MAP4K3: variants seen among roughly 807,000 people sequenced by gnomAD.
The protein encoded by MAP4K3 is mitogen-activated protein kinase kinase kinase kinase 3.
In MAP4K3, 94 loss-of-function variants were observed where a neutral mutation model predicts 143.5. That is an observed-to-expected ratio of 0.65 (90% confidence interval 0.55 to 0.78). MAP4K3 has a LOEUF of 0.78. Ranked by LOEUF, MAP4K3 falls within the 30% of genes least tolerant of loss-of-function variation. The pLI is 0.00. For synonymous variants in MAP4K3, 416 were observed against 347.2 expected (o/e 1.20, Z -2.20); for missense variants, 1,077 against 1,068.1 (o/e 1.01, Z -0.12).
chr2:39,329,039 A>T (rs1039134534), intron 8 of MAP4K3, among the ~76,000 whole-genome samples: 2 of 152,224 alleles, frequency 1.3e-5, no homozygotes, highest in Admixed American at 1.3e-4. Flanking sequence ...AGAAAGACAG[A>T]TACAGGGAGA....
At chr2:39,272,964 T>C (rs1681093241) in intron 24 of MAP4K3, among the ~76,000 whole-genome samples, 1 of 151,738 alleles carries the variant, frequency 6.6e-6, no homozygotes, top group East Asian at 1.9e-4. Context: ...GGAAAAAGCA[T>C]CATGGTGTAG....
intron 6 of MAP4K3, among the ~76,000 whole-genome samples, chr2:39,334,998 A>G (rs1205564619): frequency 1.3e-5 from 2 of 152,134 alleles, no homozygotes. Flanking sequence ...CTGGGAGAAG[A>G]CTATTTCAGG....
chr2:39,345,638 G>T (rs894067946), intron 3 of MAP4K3, among the ~76,000 whole-genome samples: 4 of 151,946 alleles, frequency 2.6e-5, no homozygotes, highest in African/African-American at 9.7e-5. Context: ...AAAAAGAGTG[G>T]GCCAGATGCA....
chr2:39,263,545 C>T (rs1323332430), intron 28 of MAP4K3, among the ~76,000 whole-genome samples: 1 of 151,774 alleles, frequency 6.6e-6, no homozygotes, highest in Non-Finnish European at 1.5e-5. Flanking sequence ...TCCCAAAGTG[C>T]TGGGATTACA....
chr2:39,300,707 C>A (rs1682471128), intron 15 of MAP4K3, among the ~76,000 whole-genome samples: 1 of 152,136 alleles, frequency 6.6e-6, no homozygotes. Flanking sequence ...ATGATCAGGG[C>A]TTAACACAAA....
chr2:39,375,999 T>C (rs1666207536), intron 2 of MAP4K3, among the ~76,000 whole-genome samples: 1 of 152,248 alleles, frequency 6.6e-6, no homozygotes, highest in African/African-American at 2.4e-5. Context: ...GTTTCCAATT[T>C]TGAGACATAC....
At chr2:39,290,710 C>T (rs1177309239) in intron 18 of MAP4K3, among the ~76,000 whole-genome samples, 2 of 152,140 alleles carry the variant, frequency 1.3e-5, no homozygotes, top group African/African-American at 4.8e-5. Context: ...TACAAAATTA[C>T]AGTTATGTAA....
At chr2:39,411,117 CTTAAGT>C (rs1356389456) in intron 1 of MAP4K3, among the ~76,000 whole-genome samples, 1 of 151,978 alleles carries the variant, frequency 6.6e-6, no homozygotes, top group Non-Finnish European at 1.5e-5. Context: ...AATTGTATGC[CTTAAGT>C]TTAAGTGAAT....
chr2:39,379,975 T>G (rs986588650), intron 1 of MAP4K3, among the ~76,000 whole-genome samples: 1 of 152,128 alleles, frequency 6.6e-6, no homozygotes, highest in Non-Finnish European at 1.5e-5. Flanking sequence ...ACAGAAAAAT[T>G]ATGACACTAA....
At chr2:39,355,829 A>G (rs527913520) in intron 3 of MAP4K3, among the ~76,000 whole-genome samples, 2 of 152,338 alleles carry the variant, frequency 1.3e-5, no homozygotes, top group African/African-American at 4.8e-5. Context: ...GATACAATGA[A>G]GGAAAGGGAT....
intron 1 of MAP4K3, among the ~76,000 whole-genome samples, chr2:39,388,521 C>T (rs926471805): frequency 2.6e-5 from 4 of 152,128 alleles, no homozygotes; most frequent in African/African-American, 9.7e-5. Flanking sequence ...AATCTAGGGA[C>T]TTCAGTTTTG....
intron 15 of MAP4K3, among the ~76,000 whole-genome samples, chr2:39,304,376 T>C (rs1435205352): frequency 6.6e-6 from 1 of 152,202 alleles, no homozygotes; most frequent in African/African-American, 2.4e-5. Flanking sequence ...CCAGCTAAGA[T>C]GAGGGCCAGA....
At chr2:39,413,782 C>CAAAATATTTTGATAT (rs1667295284) in intron 1 of MAP4K3, among the ~76,000 whole-genome samples, 2 of 151,742 alleles carry the variant, frequency 1.3e-5, no homozygotes, top group Non-Finnish European at 2.9e-5. Context: ...TGCCCAGGCT[C>CAAAATATTTTGATAT]CACCTTGTAG....
chr2:39,323,939 A>G (rs551014405), intron 12 of MAP4K3: 8 of 152,330 alleles, frequency 5.3e-5, no homozygotes, highest in African/African-American at 1.9e-4. Context: ...AAAAGTCATG[A>G]AACAATTATA....
intron 1 of MAP4K3, among the ~76,000 whole-genome samples, chr2:39,431,629 G>A (rs1665293159): frequency 1.3e-5 from 2 of 152,180 alleles, no homozygotes; most frequent in African/African-American, 4.8e-5. Context: ...TTGGTGGGGA[G>A]GGGTGGATTT....
intron 3 of MAP4K3, among the ~76,000 whole-genome samples, chr2:39,345,921 CAAAAAAAAAAAAAAAAAAAAAA>C (rs66729858): frequency 3.8e-4 from 6 of 15,842 alleles, no homozygotes; most frequent in African/African-American, 1.2e-3. Flanking sequence ...GACTCTGTCT[CAAAAAAAAAAAAAAAAAAAAAA>C]AAAAAGAGTG....
rs764324974 is a variant in MAP4K3, at chr2:39,331,971, G to A, written c.476C>T (p.Ala159Val). The change falls in exon 8 of 34, where the codon GCA (alanine) becomes GTA (valine). Residue 159 changes from alanine (A) to valine (V), a missense_variant. By Grantham distance (64) the Ala-to-Val change is moderately conservative. Around this residue, in one of 2 missense-constraint regions of MAP4K3, gnomAD observed 213 missense variants for 266.8 expected, o/e 0.80. Coordinates refer to ENST00000263881, the MANE Select transcript of MAP4K3 (RefSeq NM_003618.4). The part of the protein sequence containing the change: ...HVKLADFGVS[A>V]QITATIAKRK... ...TTTGGCAATTGTAGCTGTTATCTGT[G>A]CAGATACTCCAAAATCAGCTATTAA... The A allele has an allele frequency of 3.9e-6, 6 of 1,549,558 alleles. No homozygotes were observed. The highest frequency in any genetic ancestry group is 5.3e-6 in the Non-Finnish European group (6 of 1,138,804).
At chr2:39,263,919 T>C (rs1001288601) in intron 28 of MAP4K3, among the ~76,000 whole-genome samples, 21 of 152,248 alleles carry the variant, frequency 1.4e-4, no homozygotes, top group Admixed American at 8.5e-4. Flanking sequence ...TCTTTCATTA[T>C]ATATTAGCAT....
intron 2 of MAP4K3, among the ~76,000 whole-genome samples, chr2:39,361,928 G>A (rs1163659728): frequency 6.6e-6 from 1 of 151,624 alleles, no homozygotes; most frequent in Non-Finnish European, 1.5e-5. Context: ...AGGAAAATAA[G>A]AAAACAAAGT....
Sources: allele counts gnomAD v4.1 joint callset (sites outside exome capture counted in the v4.1 genomes callset), GRCh38; gene constraint gnomAD v4.1.1; regional missense constraint gnomAD v4.1.1; transcripts MANE v1.5; gene names NCBI Gene and HGNC (gene_info 2026-07-23, HGNC 2026-07-21).